The following TMEM170A variants were observed in gnomAD, a reference collection of about 807,000 sequenced individuals.
TMEM170A encodes transmembrane protein 170A.
In TMEM170A, 18 loss-of-function variants were observed where a neutral mutation model predicts 12.8. That is an observed-to-expected ratio of 1.41 (90% confidence interval 0.97 to 2.09). TMEM170A has a LOEUF of 2.09. TMEM170A is among the 30% of genes most tolerant of loss of function. The pLI is 0.00. For synonymous variants in TMEM170A, 107 were observed against 76.2 expected, an observed-to-expected ratio of 1.40 and a Z score of -2.11; for missense variants, 220 against 179.9, an observed-to-expected ratio of 1.22 and a Z score of -1.28.
chr16:75,454,680 A>AG (rs1411402423), intron 1 of TMEM170A, among the ~76,000 whole-genome samples: 1 of 152,168 alleles, frequency 6.6e-6, no homozygotes, highest in Non-Finnish European at 1.5e-5. Flanking sequence ...AAGACAGATG[A>AG]GGGAAACCCT....
intron 1 of TMEM170A, among the ~76,000 whole-genome samples, chr16:75,456,511 G>C (rs247451): frequency 0.91 from 137,752 of 152,210 alleles, 62,578 homozygotes; most frequent in East Asian, 1. Flanking sequence ...AAAAAAGTCA[G>C]CCTTAGTCAA....
rs199826342 is a variant in TMEM170A at position 75,464,524 on chromosome 16, G to C, written c.77C>G (p.Pro26Arg). The change falls in exon 1 of 3, where the codon CCG (proline) becomes CGG (arginine). Residue 26 changes from proline to arginine, a missense_variant. Coordinates refer to ENST00000561878, the MANE Select transcript of TMEM170A (RefSeq NM_145254.3). The stretch of plus-strand genomic sequence containing the variant: ...GCACAGGGTCCCGTTGCCCACCCGC[G>C]GCACAACCTTCAGGCTCAGGATCTG... ...LQQILSLKVV[P>R]RVGNGTLCPN... The C allele has an allele frequency of 2.5e-6, 4 of 1,586,062 alleles. No homozygotes were observed. The Admixed American group carries it at 5.3e-5, about 21-fold the overall frequency.
intron 1 of TMEM170A, among the ~76,000 whole-genome samples, chr16:75,459,484 C>A (rs900928320): frequency 4.6e-5 from 7 of 152,190 alleles, no homozygotes; most frequent in African/African-American, 1.7e-4. Flanking sequence ...TTTCAGTGAA[C>A]AACTGGGTCA....
chr16:75,462,460 C>T (rs994462713), intron 1 of TMEM170A, among the ~76,000 whole-genome samples: 2 of 152,236 alleles, frequency 1.3e-5, no homozygotes, highest in Non-Finnish European at 2.9e-5. Flanking sequence ...ACGCCTGCCT[C>T]AGCCTCCCAA....
At chr16:75,463,022 C>T (rs1255141470) in intron 1 of TMEM170A, among the ~76,000 whole-genome samples, 2 of 151,746 alleles carry the variant, frequency 1.3e-5, no homozygotes, top group Non-Finnish European at 2.9e-5. Flanking sequence ...AAGTGTGATA[C>T]GTATGTAATA....
intron 1 of TMEM170A, among the ~76,000 whole-genome samples, chr16:75,456,782 T>C (rs867262232): frequency 1.3e-5 from 2 of 152,184 alleles, no homozygotes; most frequent in African/African-American, 4.8e-5. Context: ...AAATCTCTCC[T>C]GCCTGGGCAG....
chr16:75,463,389 C>T (rs2079941015), intron 1 of TMEM170A, among the ~76,000 whole-genome samples: 1 of 151,914 alleles, frequency 6.6e-6, no homozygotes, highest in South Asian at 2.1e-4. Context: ...CGAACATCTG[C>T]ATCTGACCCC....
chr16:75,464,283 C>T, intron 1 of TMEM170A, 185 bp downstream of exon 1: 1 of 1,490,424 alleles, frequency 6.7e-7, no homozygotes, highest in Non-Finnish European at 8.9e-7. Context: ...GGCTCCGCCT[C>T]AGGGACCGCC....
At chr16:75,451,324 C>G (rs1597439346) in intron 2 of TMEM170A, 1 of 363,108 alleles carries the variant, frequency 2.8e-6, no homozygotes, top group East Asian at 5.2e-5. Context: ...CCAAGGTGGG[C>G]AGATTGCTTG....
At position 75,447,548 on chromosome 16, in the gene TMEM170A, A is replaced by T; in HGVS notation, c.*10T>A. 6.2e-7 allele frequency: 1 copy of T among 1,601,922 alleles called. No individual in the cohort carries two copies. The highest frequency in any genetic ancestry group is 8.5e-7 in the Non-Finnish European group (1 of 1,176,446). The stretch of plus-strand genomic sequence containing the variant: ...AGTTTAAGTTCAACATCTCAGCATA[A>T]GGATGTATGCTATAGAGTAGCTAAA... On this transcript the variant is annotated 3_prime_UTR_variant, in exon 3 of 3. Transcript: ENST00000561878.
chr16:75,443,152 TAA>T lies in TMEM170A; in HGVS notation c.*4404_*4405del, dbSNP rs1331304436. 12 of 152,190 alleles carry T rather than the reference TAA, an allele frequency of 7.9e-5. No homozygotes were observed. In the South Asian group the frequency reaches 1.4e-3, roughly 18 times the overall value. 9.4% of individuals were successfully genotyped at this position (152,190 alleles called of 1,614,324 possible). On this transcript the variant is annotated 3_prime_UTR_variant, in exon 3 of 3. Transcript: ENST00000561878. ...AAAAAAAGTTACACATGCTAGATAT[TAA>T]GTTATTTAAAAAATGAAAACTGAAG... is the stretch of plus-strand genomic sequence containing the variant.
intron 1 of TMEM170A, chr16:75,459,788 C>T (rs1482057023): frequency 6.6e-6 from 1 of 151,668 alleles, no homozygotes. Context: ...TCCTGCGAGG[C>T]AGAGGTTGCA....
At chr16:75,455,340 G>C (rs1176862831) in intron 1 of TMEM170A, among the ~76,000 whole-genome samples, 2 of 129,592 alleles carry the variant, frequency 1.5e-5, no homozygotes, top group South Asian at 2.6e-4. Flanking sequence ...CTGGGTGACA[G>C]AGCGAGACAC....
At chr16:75,450,893 C>T (rs951705745) in intron 2 of TMEM170A, among the ~76,000 whole-genome samples, 13 of 152,104 alleles carry the variant, frequency 8.5e-5, no homozygotes, top group African/African-American at 1.4e-4. Flanking sequence ...ATTTCCTAGG[C>T]TTCAGCAAGC....
At chr16:75,450,889 T>C (rs570030650) in intron 2 of TMEM170A, among the ~76,000 whole-genome samples, 1 of 152,268 alleles carries the variant, frequency 6.6e-6, no homozygotes. Flanking sequence ...CTCAATTTCC[T>C]AGGCTTCAGC....
intron 2 of TMEM170A, among the ~76,000 whole-genome samples, chr16:75,450,285 A>C (rs1162191503): frequency 1.3e-5 from 2 of 152,120 alleles, no homozygotes; most frequent in Non-Finnish European, 2.9e-5. Context: ...ATCAGTAGGA[A>C]TATTACATTT....
At chr16:75,454,869 C>T (rs1008934390) in intron 1 of TMEM170A, among the ~76,000 whole-genome samples, 4 of 152,150 alleles carry the variant, frequency 2.6e-5, no homozygotes, top group Non-Finnish European at 5.9e-5. Context: ...TGTGCATGGC[C>T]CTTGCTGCAA....
chr16:75,458,756 A>G (rs1232892730), intron 1 of TMEM170A: 1 of 152,236 alleles, frequency 6.6e-6, no homozygotes, highest in Non-Finnish European at 1.5e-5. Context: ...TAAAAACACT[A>G]AAAAGTTAAT....
upstream of TMEM170A, chr16:75,464,707 T>C: frequency 1.4e-6 from 2 of 1,421,928 alleles, no homozygotes; most frequent in South Asian, 2.7e-5. Context: ...GCCGGGGTCC[T>C]CTTCCCCCAA....
Sources: gnomAD v4.1 joint callset for allele counts (sites outside exome capture counted in the v4.1 genomes callset) on GRCh38, gnomAD v4.1.1 for gene constraint, MANE v1.5 for transcripts, NCBI Gene and HGNC (gene_info 2026-07-23, HGNC 2026-07-21) for gene names.